Variants in MYCBP2 observed in about 807,000 individuals in gnomAD.
MYCBP2 encodes E3 ubiquitin-protein ligase MYCBP2.
MYCBP2 carries 120 observed loss-of-function variants against 525.3 expected under a neutral mutation model. The observed-to-expected ratio is 0.23, with a 90% CI of 0.20 to 0.27. The LOEUF is 0.27. Among genes scored for constraint, MYCBP2 ranks in the 10% least tolerant of loss-of-function variants. The probability of loss-of-function intolerance (pLI) is 1.00; values close to 1 mark genes in which losing one functional copy is unlikely to be tolerated. For synonymous variants in MYCBP2, 1,894 were observed against 1,955.8 expected, an observed-to-expected ratio of 0.97 and a Z score of 0.83; for missense variants, 4,149 against 5,657.1, an observed-to-expected ratio of 0.73 and a Z score of 8.55.
chr13:77,095,479 G>T lies in MYCBP2; in HGVS notation c.10078C>A (p.Pro3360Thr). 1.2e-6 allele frequency: 2 copies of T among 1,613,594 alleles called. No homozygotes were observed. The highest frequency in any genetic ancestry group is 1.7e-6 in the Non-Finnish European group (2 of 1,179,744). Residue 3360 changes from proline to threonine, a missense_variant, in exon 58 of 83, where the codon CCG becomes ACG. Pro to Thr is a conservative substitution (Grantham distance 38). Transcript: ENST00000544440. ...FLLSLSSAAE[P>T]SILCYHPAKP... ...GCAGGATGGTAACACAGAATGCTCG[G>T]TTCTGCTGCACTGCTCAGGGACAGC...
Position 77,098,895 on chromosome 13 carries a change from A to G in MYCBP2, c.8259T>C (p.Ala2753=), listed in dbSNP as rs761230738. The G allele has an allele frequency of 8.1e-6, 13 of 1,613,752 alleles. No homozygotes were observed. The highest frequency in any genetic ancestry group is 1.7e-5 in the Admixed American group (1 of 59,972). ...KPDGRMSRTT[A]DQKKPRGTES... ...CTGTGCCCCTTGGCTTCTTCTGATCAGCAGTAGTCCGGCTCATACGTCCAT... is the reference window on the plus strand; with the variant it reads ...CTGTGCCCCTTGGCTTCTTCTGATCGGCAGTAGTCCGGCTCATACGTCCAT... Residue 2753 remains alanine (A), a synonymous_variant, in exon 56 of 83, where the codon GCT becomes GCC. Coordinates refer to ENST00000544440, the MANE Select transcript of MYCBP2 (RefSeq NM_015057.5).
rs139931694 is a variant in MYCBP2, at chr13:77,099,595, T to A, written c.8141-582A>T. The stretch of plus-strand genomic sequence containing the variant: ...ATGATCAGATTAGACTAGTTTACAA[T>A]GAGCACATGAATGCCCTGAAGCTGT... On this transcript the variant is annotated intron_variant, in intron 55 of 82. Transcript: ENST00000544440. 1,207 of 154,548 alleles carry A rather than the reference T, an allele frequency of 7.8e-3. 20 individuals are homozygous for A. Among genetic ancestry groups the A allele is most frequent in the African/African-American group, 0.027 (1,123 of 41,558 alleles). 9.6% of individuals were successfully genotyped at this position (154,548 alleles called of 1,614,324 possible). A position where few individuals can be genotyped will look rare whatever the true frequency, so the allele number is the denominator to read the frequency against.
At chr13:77,151,202 A>G (rs1020791936) in intron 46 of MYCBP2, among the ~76,000 whole-genome samples, 2 of 152,230 alleles carry the variant, frequency 1.3e-5, no homozygotes. Flanking sequence ...ATATCAAAAC[A>G]TAAAAACAAA....
rs771012956 is a variant in MYCBP2, at chr13:77,097,835, G to T, written c.9319C>A (p.Pro3107Thr). The T allele has an allele frequency of 6.2e-7, 1 of 1,613,618 alleles. No individual in the cohort carries two copies. Among genetic ancestry groups the T allele is most frequent in the Admixed American group, 1.7e-5 (1 of 59,942 alleles). ...LNMFNIAPHGPDISKMGSINK... is the reference protein window; with the variant it reads ...LNMFNIAPHGTDISKMGSINK... ...ATGCTACCCATCTTAGATATATCTG[G>T]TCCATGGGGTGCAATATTAAACATA... Residue 3107 changes from proline (P) to threonine (T), a missense_variant, in exon 56 of 83, where the codon CCA (proline) becomes ACA (threonine). By Grantham distance (38) the Pro-to-Thr change is conservative. Transcript: ENST00000544440.
intron 14 of MYCBP2, among the ~76,000 whole-genome samples, chr13:77,253,173 T>A (rs2071523394): frequency 6.6e-6 from 1 of 151,838 alleles, no homozygotes; most frequent in South Asian, 2.1e-4. Flanking sequence ...TTTTAGTAAG[T>A]AAAATAAAGT....
chr13:77,094,118 T>C (rs1566490729), intron 58 of MYCBP2, among the ~76,000 whole-genome samples: 1 of 152,176 alleles, frequency 6.6e-6, no homozygotes, highest in Non-Finnish European at 1.5e-5. Flanking sequence ...ATTCATTTTA[T>C]TGTAATAGTA....
At chr13:77,269,423 G>T (rs1197514863) in intron 7 of MYCBP2, among the ~76,000 whole-genome samples, 3 of 152,148 alleles carry the variant, frequency 2.0e-5, no homozygotes, top group African/African-American at 7.2e-5. Context: ...CTCACTTCAG[G>T]TCAGGGGTTT....
At chr13:77,323,885 C>A (rs1400114365) in intron 1 of MYCBP2, among the ~76,000 whole-genome samples, 1 of 152,196 alleles carries the variant, frequency 6.6e-6, no homozygotes, top group African/African-American at 2.4e-5. Flanking sequence ...CAATGGCTAA[C>A]CTCTCCACCT....
In MYCBP2 at chr13:77,270,548, A is replaced by G. The variant is rs1199896762; in HGVS notation, c.946-10T>C. On this transcript the variant is annotated splice_polypyrimidine_tract_variant and intron_variant, in intron 5 of 82. Transcript: ENST00000544440. ...TTAGAATTGTTGGCACCTAATCAAA[A>G]GAGAAGAAAAATAATGAAAAAACAT... 6.3e-7 allele frequency: 1 copy of G among 1,580,386 alleles called. No homozygotes were observed. The highest frequency in any genetic ancestry group is 1.4e-5 in the African/African-American group (1 of 73,106).
At chr13:77,129,206 C>T (rs2154170059) in intron 52 of MYCBP2, 1 of 397,964 alleles carries the variant, frequency 2.5e-6, no homozygotes, top group African/African-American at 2.1e-5. Flanking sequence ...AAATCCCTGA[C>T]TCCTTGGCTA....
At chr13:77,290,591 A>G (rs1214868916) in intron 2 of MYCBP2, among the ~76,000 whole-genome samples, 3 of 152,184 alleles carry the variant, frequency 2.0e-5, no homozygotes, top group Non-Finnish European at 4.4e-5. Context: ...CCAAGTGGGG[A>G]AAAAAAGCAC....
chr13:77,059,430 G>A (rs968372491), intron 77 of MYCBP2, 93 bp downstream of exon 77: 34 of 915,464 alleles, frequency 3.7e-5, no homozygotes, highest in Middle Eastern at 4.5e-4. Flanking sequence ...TAGGAAGCTG[G>A]AGTGACGCTG....
At chr13:77,200,723 G>T (rs12428510) in intron 26 of MYCBP2, among the ~76,000 whole-genome samples, 1 of 152,198 alleles carries the variant, frequency 6.6e-6, no homozygotes, top group Admixed American at 6.5e-5. Flanking sequence ...CCAGAAGAGA[G>T]TGGGGGCCAA....
chr13:77,045,525 A>G lies in MYCBP2; in HGVS notation c.13922-32T>C, dbSNP rs373097361. On this transcript the variant is annotated intron_variant, in intron 82 of 82. Transcript: ENST00000544440. ...AAATTTGAAGGAGGCAAAGGAAAAT[A>G]ATGTTTTAAGAATACACACATATAA... is the stretch of plus-strand genomic sequence containing the variant. 790 of 1,440,416 alleles carry G rather than the reference A, an allele frequency of 5.5e-4. 9 individuals are homozygous for G. In the South Asian group the frequency reaches 7.1e-3, roughly 13 times the overall value. 89.2% of individuals were successfully genotyped at this position (1,440,416 alleles called of 1,614,324 possible). A position where few individuals can be genotyped will look rare whatever the true frequency, so the allele number is the denominator to read the frequency against.
intron 49 of MYCBP2, among the ~76,000 whole-genome samples, chr13:77,143,273 G>A (rs899565002): frequency 7.2e-5 from 11 of 152,224 alleles, no homozygotes; most frequent in Non-Finnish European, 1.5e-4. Context: ...GTGTGAGTGT[G>A]AGTGGAGTAG....
At chr13:77,195,491 G>A (rs961712618) in intron 26 of MYCBP2, among the ~76,000 whole-genome samples, 5 of 152,102 alleles carry the variant, frequency 3.3e-5, no homozygotes, top group Middle Eastern at 3.2e-3. Flanking sequence ...CAGCTACTCG[G>A]GAAGCTGAGG....
chr13:77,055,090 C>T (rs1271679255), intron 80 of MYCBP2, among the ~76,000 whole-genome samples: 1 of 147,736 alleles, frequency 6.8e-6, no homozygotes, highest in African/African-American at 2.5e-5. Flanking sequence ...ATTAAGTAGG[C>T]AAGAATGGAG....
At chr13:77,171,034 G>GA (rs1348992517) in intron 38 of MYCBP2, among the ~76,000 whole-genome samples, 2 of 152,184 alleles carry the variant, frequency 1.3e-5, no homozygotes, top group African/African-American at 4.8e-5. Context: ...ATGACAGCAG[G>GA]AGAAGAAGTG....
chr13:77,233,318 T>C (rs2067389349), intron 17 of MYCBP2, 55 bp from the exon 18 acceptor site: 6 of 1,273,742 alleles, frequency 4.7e-6, no homozygotes, highest in Non-Finnish European at 5.7e-6. Context: ...GAAAACACTA[T>C]AATGAACAAA....
Sources: gnomAD v4.1 joint callset for allele counts (sites outside exome capture counted in the v4.1 genomes callset) on GRCh38, gnomAD v4.1.1 for gene constraint, MANE v1.5 for transcripts, NCBI Gene and HGNC (gene_info 2026-07-23, HGNC 2026-07-21) for gene names.